The following STARD13 variants were observed in gnomAD, a reference collection of about 807,000 sequenced individuals.
STARD13 encodes the protein stAR-related lipid transfer protein 13.
STARD13 carries 62 observed loss-of-function variants against 106.4 expected under a neutral mutation model. The observed-to-expected ratio is 0.58, with a 90% confidence interval of 0.48 to 0.72. The LOEUF (loss-of-function observed/expected upper bound fraction) is 0.72, where lower values mean the gene tolerates loss of function less well. Ranked by LOEUF, STARD13 falls within the 30% of genes least tolerant of loss-of-function variation. The pLI, the probability that STARD13 is intolerant of heterozygous loss-of-function variation, is 0.00. For missense variants in STARD13, 1,387 were observed against 1,424.0 expected (o/e 0.97, Z 0.42); for synonymous variants, 565 against 553.0 (o/e 1.02, Z -0.31).
chr13:33,636,139 CAA>C, the STARD13 span, among the ~76,000 whole-genome samples: 1,260 of 47,202 alleles, frequency 0.027, 6 homozygotes, highest in African/African-American at 0.076. Flanking sequence ...GACTCTGTCT[CAA>C]AAAAAAAAAA....
At chr13:33,267,887 G>A (rs974296870) in intron 1 of STARD13, among the ~76,000 whole-genome samples, 13 of 152,098 alleles carry the variant, frequency 8.5e-5, no homozygotes, top group African/African-American at 3.1e-4. Flanking sequence ...TGGGATGAAG[G>A]GTACTGTCCC....
At chr13:33,113,521 C>T (rs770501598) in intron 8 of STARD13, 13 of 512,816 alleles carry the variant, frequency 2.5e-5, no homozygotes, top group Middle Eastern at 3.2e-4. Flanking sequence ...GCCAGCTTCT[C>T]GAGGGGAAGC....
chr13:33,450,947 A>G, the STARD13 span, among the ~76,000 whole-genome samples: 9 of 152,148 alleles, frequency 5.9e-5, no homozygotes, highest in African/African-American at 2.2e-4. Flanking sequence ...CAGTGGTGCA[A>G]TCATGTCTCA....
the STARD13 span, among the ~76,000 whole-genome samples, chr13:33,369,891 C>T: frequency 6.6e-6 from 1 of 152,106 alleles, no homozygotes; most frequent in Non-Finnish European, 1.5e-5. Flanking sequence ...AATTGTTTAA[C>T]TTTAATTTCT....
At chr13:33,457,844 G>A in the STARD13 span, among the ~76,000 whole-genome samples, 2 of 152,198 alleles carry the variant, frequency 1.3e-5, no homozygotes, top group African/African-American at 4.8e-5. Flanking sequence ...ATCATATTGG[G>A]GGTTAGATTT....
chr13:33,247,242 A>G (rs1009981657), intron 1 of STARD13, among the ~76,000 whole-genome samples: 7 of 149,402 alleles, frequency 4.7e-5, no homozygotes, highest in African/African-American at 7.3e-5. Flanking sequence ...ATAAATAAAT[A>G]AAACGGCTGG....
At chr13:33,163,347 G>A (rs1037764119) in intron 3 of STARD13, among the ~76,000 whole-genome samples, 1 of 151,870 alleles carries the variant, frequency 6.6e-6, no homozygotes, top group African/African-American at 2.4e-5. Flanking sequence ...AGCACTTTGG[G>A]AGGCTGAGGT....
chr13:33,292,657 C>T, intron 1 of STARD13, among the ~76,000 whole-genome samples: 1 of 151,744 alleles, frequency 6.6e-6, no homozygotes, highest in Admixed American at 6.6e-5. Context: ...AAATTTAGTT[C>T]ACAGTTTCTT....
At chr13:33,599,153 A>T in the STARD13 span, among the ~76,000 whole-genome samples, 1 of 152,206 alleles carries the variant, frequency 6.6e-6, no homozygotes, top group Non-Finnish European at 1.5e-5. Flanking sequence ...CCTAACCCAA[A>T]CCAAGTTTAT....
intron 1 of STARD13, among the ~76,000 whole-genome samples, chr13:33,250,535 C>T (rs1445535990): frequency 6.6e-6 from 1 of 152,218 alleles, no homozygotes; most frequent in Non-Finnish European, 1.5e-5. Flanking sequence ...GGTACAGACA[C>T]AGCCTAAGAC....
chr13:33,548,313 A>G, the STARD13 span, among the ~76,000 whole-genome samples: 1 of 152,220 alleles, frequency 6.6e-6, no homozygotes, highest in Non-Finnish European at 1.5e-5. Context: ...CAGTCTTCTA[A>G]CAGAATTTGG....
the STARD13 span, among the ~76,000 whole-genome samples, chr13:33,646,793 G>A: frequency 9.3e-3 from 1,411 of 152,050 alleles, 13 homozygotes; most frequent in South Asian, 0.018. Context: ...TCAGTGAAAT[G>A]TTACATGCAA....
At chr13:33,632,700 T>C in the STARD13 span, among the ~76,000 whole-genome samples, 2 of 152,226 alleles carry the variant, frequency 1.3e-5, no homozygotes, top group African/African-American at 4.8e-5. Context: ...GGTTTTACTC[T>C]GCTAGAAAAA....
At chr13:33,542,482 A>G in the STARD13 span, among the ~76,000 whole-genome samples, 1 of 152,224 alleles carries the variant, frequency 6.6e-6, no homozygotes, top group African/African-American at 2.4e-5. Flanking sequence ...TGCCTAGCAA[A>G]CGTGCAAACA....
At chr13:33,480,932 T>C in the STARD13 span, among the ~76,000 whole-genome samples, 1 of 152,138 alleles carries the variant, frequency 6.6e-6, no homozygotes, top group Admixed American at 6.5e-5. Flanking sequence ...AATTTTTTAT[T>C]AGGGTCAGGA....
rs573055259 is a variant in STARD13, at chr13:33,121,054, T to C, written c.2083-2791A>G. Among the ~76,000 whole-genome samples the C allele has an allele frequency of 2.7e-4, 41 of 152,244 alleles. 1 individual carries two copies. The South Asian group carries it at 7.2e-3, about 27-fold the overall frequency. On this transcript the variant is annotated intron_variant, in intron 7 of 13. Coordinates refer to ENST00000336934, the MANE Select transcript of STARD13 (RefSeq NM_178006.4). ...CCATGGCTGGCCTATTTCCTGACTTTTTGTTTGTGTTTTGTGAGACCATGA... is the reference window on the plus strand; with the variant it reads ...CCATGGCTGGCCTATTTCCTGACTTCTTGTTTGTGTTTTGTGAGACCATGA...
At chr13:33,612,454 C>T in the STARD13 span, among the ~76,000 whole-genome samples, 3 of 152,126 alleles carry the variant, frequency 2.0e-5, no homozygotes, top group Non-Finnish European at 4.4e-5. Context: ...TCATCAGACA[C>T]GGTGATCCAC....
At chr13:33,424,674 T>C in the STARD13 span, among the ~76,000 whole-genome samples, 5 of 152,144 alleles carry the variant, frequency 3.3e-5, no homozygotes, top group Non-Finnish European at 7.3e-5. Context: ...TTCGATTTTT[T>C]AGAATCTTTA....
chr13:33,501,367 G>C, the STARD13 span, among the ~76,000 whole-genome samples: 1 of 152,080 alleles, frequency 6.6e-6, no homozygotes, highest in South Asian at 2.1e-4. Flanking sequence ...TTCTTTTGCT[G>C]TGCAGAAGCT....
Sources: allele counts gnomAD v4.1 joint callset (sites outside exome capture counted in the v4.1 genomes callset), GRCh38; gene constraint gnomAD v4.1.1; transcripts MANE v1.5; gene names NCBI Gene and HGNC (gene_info 2026-07-23, HGNC 2026-07-21).